Variants in EPHX2 observed in about 807,000 individuals in gnomAD.
EPHX2 encodes epoxide hydrolase 2.
Under a neutral mutation model 78.7 loss-of-function variants are expected in EPHX2, and 74 were observed. The ratio of observed to expected loss-of-function variants is 0.94; its 90% CI spans 0.78 to 1.14. The LOEUF is 1.14. EPHX2 is among the 50% of genes most tolerant of loss of function. EPHX2 has a pLI of 0.00. For synonymous variants in EPHX2, 251 were observed against 255.2 expected (o/e 0.98, Z 0.16); for missense variants, 715 against 702.5 (o/e 1.02, Z -0.20).
chr8:27,540,462 C>A, intron 14 of EPHX2, 92 bp from the exon 15 acceptor site: 1 of 1,095,866 alleles, frequency 9.1e-7, no homozygotes, highest in South Asian at 1.3e-5. Context: ...TGCGCAAGTT[C>A]AGATGGTCTG....
At chr8:27,518,002 G>A (rs377527949) in intron 8 of EPHX2, 36 bp from the exon 9 acceptor site, 47 of 1,517,388 alleles carry the variant, frequency 3.1e-5, no homozygotes, top group Middle Eastern at 3.4e-4. Flanking sequence ...TTTAAGTAAC[G>A]TGAATTAAAT....
At chr8:27,491,802 C>T (rs1813389259) in intron 1 of EPHX2, among the ~76,000 whole-genome samples, 1 of 152,108 alleles carries the variant, frequency 6.6e-6, no homozygotes, top group Non-Finnish European at 1.5e-5. Flanking sequence ...AAAAAACCAC[C>T]CCACCAGAAT....
In EPHX2 at chr8:27,511,891, A is replaced by G. The variant is rs1814263275; in HGVS notation, c.716A>G (p.His239Arg). The G allele has an allele frequency of 2.5e-6, 4 of 1,614,022 alleles. No homozygotes were observed. The highest frequency in any genetic ancestry group is 3.4e-6 in the Non-Finnish European group (4 of 1,179,980). ...TCTTGCAATCCAAGTGACATGAGCC[A>G]TGGGTACGTGACAGTAAAGGTGAGT... is the stretch of plus-strand genomic sequence containing the variant. Reference protein sequence around the residue: ...PTSCNPSDMSHGYVTVKPRVR... With the variant: ...PTSCNPSDMSRGYVTVKPRVR... Residue 239 changes from histidine (H) to arginine (R), a missense_variant, in exon 6 of 19, where the codon CAT becomes CGT. Coordinates refer to ENST00000521400, the MANE Select transcript of EPHX2 (RefSeq NM_001979.6).
At chr8:27,539,702 A>C (rs1815332792) in intron 14 of EPHX2, among the ~76,000 whole-genome samples, 2 of 152,240 alleles carry the variant, frequency 1.3e-5, no homozygotes, top group African/African-American at 4.8e-5. Context: ...GTGAGCCCAC[A>C]GTCTCACGGG....
chr8:27,516,405 G>GCGC lies in EPHX2; in HGVS notation c.910+7_910+8insCGC. 6.2e-7 allele frequency: 1 copy of GCGC among 1,613,760 alleles called. No homozygotes were observed. Among genetic ancestry groups the GCGC allele is most frequent in the Non-Finnish European group, 8.5e-7 (1 of 1,179,706 alleles). ...GAGTCATCTGCTCCTCCCGGTGGGT[G>GCGC]TGCTGTCTTGCAGCTGTCTTATGCT... On this transcript the variant is annotated splice_region_variant and intron_variant, in intron 8 of 18. Coordinates refer to ENST00000521400, the MANE Select transcript of EPHX2 (RefSeq NM_001979.6).
At chr8:27,546,128 CA>C (rs368341959), downstream of EPHX2, among the ~76,000 whole-genome samples, 3,205 of 86,788 alleles carry the variant, frequency 0.037, 44 homozygotes, top group Non-Finnish European at 0.04. Context: ...GACTCCGACT[CA>C]AAAAAAAAAA....
At chr8:27,547,063 G>A (rs1054921523), downstream of EPHX2, among the ~76,000 whole-genome samples, 19 of 152,142 alleles carry the variant, frequency 1.2e-4, no homozygotes, top group East Asian at 3.8e-4. Context: ...TCACCATCAC[G>A]AGAACAGCAA....
At chr8:27,528,657 C>T (rs759361005) in intron 12 of EPHX2, among the ~76,000 whole-genome samples, 4 of 152,232 alleles carry the variant, frequency 2.6e-5, no homozygotes, top group South Asian at 2.1e-4. Context: ...CCTCCTAACC[C>T]GCTCCCTCCC....
At position 27,522,455 on chromosome 8, in the gene EPHX2, C is replaced by A. The variant is rs541480501; in HGVS notation, c.1005C>A (p.Asp335Glu). Residue 335 changes from aspartate to glutamate, a missense_variant, in exon 11 of 19, where the codon GAC becomes GAA. Physicochemically the swap from Asp to Glu is conservative, Grantham distance 45. Coordinates refer to ENST00000521400, the MANE Select transcript of EPHX2 (RefSeq NM_001979.6). Reference protein sequence around the residue: ...GLSQAVFIGHDWGGMLVWYMA... With the variant: ...GLSQAVFIGHEWGGMLVWYMA... ...CTCAAGCAGTGTTCATTGGCCATGA[C>A]TGGGGTGGCATGCTGGTGTGGTACA... 1.2e-6 allele frequency: 2 copies of A among 1,614,050 alleles called. No homozygotes were observed. The highest frequency in any genetic ancestry group is 2.7e-5 in the African/African-American group (2 of 75,006).
At chr8:27,504,933 T>C in intron 3 of EPHX2, 23 bp from the exon 4 acceptor site, 1 of 1,612,846 alleles carries the variant, frequency 6.2e-7, no homozygotes, top group East Asian at 2.2e-5. Context: ...AGCTGGTCTA[T>C]CTACTGGTGG....
intron 12 of EPHX2, among the ~76,000 whole-genome samples, chr8:27,529,464 G>T: frequency 6.6e-6 from 1 of 152,124 alleles, no homozygotes; most frequent in Non-Finnish European, 1.5e-5. Flanking sequence ...AACGTACCTA[G>T]GATATCCTGT....
intron 12 of EPHX2, among the ~76,000 whole-genome samples, chr8:27,529,747 T>C (rs534774260): frequency 1.3e-5 from 2 of 152,140 alleles, no homozygotes; most frequent in African/African-American, 4.8e-5. Flanking sequence ...ACCTCGTCTC[T>C]ACTAAAAATA....
At chr8:27,540,693 T>G in intron 15 of EPHX2, 37 bp downstream of exon 15, 27 of 1,564,174 alleles carry the variant, frequency 1.7e-5, no homozygotes, top group East Asian at 2.2e-5. Flanking sequence ...AGATGAGAGA[T>G]GATCGACAGA....
At position 27,491,952 on chromosome 8, in the gene EPHX2, GTT is replaced by G. The variant is rs72456076; in HGVS notation, c.101+654_101+655del. 2.9e-3 allele frequency among the ~76,000 whole-genome samples: 413 copies of G among 143,020 alleles called. 1 individual carries two copies. Among genetic ancestry groups the G allele is most frequent in the Non-Finnish European group, 5.1e-3 (329 of 65,050 alleles). 93.8% of individuals were successfully genotyped at this position (143,020 alleles called of 152,430 possible). On this transcript the variant is annotated intron_variant, in intron 1 of 18. Coordinates refer to ENST00000521400, the MANE Select transcript of EPHX2 (RefSeq NM_001979.6). ...TTCTTTCTCTCTCTCTTTTTTTTGT[GTT>G]TTTTTTTTTTGTAGTTTCCAACTTC...
At chr8:27,522,253 G>A (rs1814674577) in intron 10 of EPHX2, among the ~76,000 whole-genome samples, 170 bp from the exon 11 acceptor site, 2 of 152,184 alleles carry the variant, frequency 1.3e-5, no homozygotes, top group Non-Finnish European at 2.9e-5. Context: ...TTTGTGTTGA[G>A]GGTCTGTGGC....
intron 12 of EPHX2, among the ~76,000 whole-genome samples, chr8:27,530,943 A>G (rs1163236486): frequency 6.6e-6 from 1 of 150,754 alleles, no homozygotes; most frequent in Non-Finnish European, 1.5e-5. Flanking sequence ...TTGCATTTTT[A>G]GTAGAGATGG....
intron 18 of EPHX2, 90 bp from the exon 19 acceptor site, chr8:27,544,354 A>G: frequency 1.3e-6 from 2 of 1,593,312 alleles, no homozygotes; most frequent in Non-Finnish European, 1.7e-6. Context: ...TTAGCCACTC[A>G]TGTCACTCAC....
intron 12 of EPHX2, 50 bp from the exon 13 acceptor site, chr8:27,536,734 T>C (rs1410159948): frequency 6.2e-7 from 1 of 1,607,120 alleles, no homozygotes; most frequent in Non-Finnish European, 8.5e-7. Flanking sequence ...AGGGGTACAG[T>C]TTCCACGATT....
At chr8:27,498,455 A>C (rs1813652450) in intron 1 of EPHX2, among the ~76,000 whole-genome samples, 3 of 151,766 alleles carry the variant, frequency 2.0e-5, no homozygotes, top group Admixed American at 2.0e-4. Flanking sequence ...TTATAGATTC[A>C]GTGGTATCTT....
Sources: gnomAD v4.1 joint callset for allele counts (sites outside exome capture counted in the v4.1 genomes callset) on GRCh38, gnomAD v4.1.1 for gene constraint, MANE v1.5 for transcripts, NCBI Gene and HGNC (gene_info 2026-07-23, HGNC 2026-07-21) for gene names.